Variants in SH2D3A observed in about 807,000 individuals in gnomAD.
SH2D3A encodes SH2 domain containing 3A.
A neutral mutation model predicts 50.6 loss-of-function variants in SH2D3A; 46 were observed. The ratio of observed to expected loss-of-function variants is 0.91; its 90% CI spans 0.72 to 1.16. The LOEUF (loss-of-function observed/expected upper bound fraction) is 1.16. SH2D3A is among the 50% of genes most tolerant of loss of function. The pLI, the probability that SH2D3A is intolerant of heterozygous loss-of-function variation, is 0.00. For synonymous variants in SH2D3A, 377 were observed against 348.4 expected (o/e 1.08, Z -0.91); for missense variants, 783 against 786.2 (o/e 1.00, Z 0.05).
intron 4 of SH2D3A, among the ~76,000 whole-genome samples, chr19:6,756,086 ATATC>A (rs983820300): frequency 6.0e-5 from 9 of 149,668 alleles, no homozygotes; most frequent in African/African-American, 9.8e-5. Flanking sequence ...AAAAAAAAAG[ATATC>A]TATCTATCTA....
In SH2D3A at chr19:6,760,735, C is replaced by A. The variant is rs1462643441; in HGVS notation, c.322G>T (p.Ala108Ser). 2.5e-6 allele frequency: 4 copies of A among 1,613,838 alleles called. No individual in the cohort carries two copies. The highest frequency in any genetic ancestry group is 3.4e-6 in the Non-Finnish European group (4 of 1,179,798). Residue 108 changes from alanine to serine, a missense_variant, in exon 3 of 10, where the codon GCT (alanine) becomes TCT (serine). By Grantham distance (99) the Ala-to-Ser change is moderately conservative (BLOSUM62 1). Coordinates refer to ENST00000245908, the MANE Select transcript of SH2D3A (RefSeq NM_005490.3). The part of the protein sequence containing the change: ...GRRPLSQATG[A>S]VVSRPVTWQG... Reference sequence around the variant, plus strand: ...CAAGTCACAGGCCTGGAGACCACAGCCCCTGTGGCCTGGGACAGTGGGCGC... The same window carrying A: ...CAAGTCACAGGCCTGGAGACCACAGACCCTGTGGCCTGGGACAGTGGGCGC...
rs536734919 is a variant in SH2D3A at position 6,759,923 on chromosome 19, C to G, written c.420-253G>C. The stretch of plus-strand genomic sequence containing the variant: ...CAGGACATCTCCACCTCCTCCCCCA[C>G]AACTAAGAATGTTCGGGCCTCAAAA... On this transcript the variant is annotated intron_variant, in intron 3 of 9. Coordinates refer to ENST00000245908, the MANE Select transcript of SH2D3A (RefSeq NM_005490.3). Among the ~76,000 whole-genome samples the G allele has an allele frequency of 4.6e-5, 7 of 152,266 alleles. No homozygotes were observed. In the South Asian group the frequency reaches 8.3e-4, roughly 18 times the overall value.
intron 2 of SH2D3A, among the ~76,000 whole-genome samples, chr19:6,762,502 CTTTTTTTTTTT>C (rs35272482): frequency 1.0e-5 from 1 of 98,828 alleles, no homozygotes; most frequent in Non-Finnish European, 1.9e-5. Flanking sequence ...TTCTTCCGGC[CTTTTTTTTTTT>C]TTTTTTTTTT....
At position 6,752,509 on chromosome 19, in the gene SH2D3A, AG is replaced by A; in HGVS notation, c.*83del. ...AGGGCAGGATTCCACCTGAGGCGCG[AG>A]GAGCCTGGGACGACTCCTTTGGTCT... is the stretch of plus-strand genomic sequence containing the variant. On this transcript the variant is annotated 3_prime_UTR_variant, in exon 10 of 10. Coordinates refer to ENST00000245908, the MANE Select transcript of SH2D3A (RefSeq NM_005490.3). 1 of 1,294,876 alleles carries A rather than the reference AG, an allele frequency of 7.7e-7. No homozygotes were observed. The highest frequency in any genetic ancestry group is 1.0e-6 in the Non-Finnish European group (1 of 985,198). 80.2% of individuals were successfully genotyped at this position (1,294,876 alleles called of 1,614,324 possible).
rs763074945 is a variant in SH2D3A, at chr19:6,754,710, T to C, written c.1003A>G (p.Thr335Ala). 6.2e-7 allele frequency: 1 copy of C among 1,614,062 alleles called. No homozygotes were observed. The highest frequency in any genetic ancestry group is 1.3e-5 in the African/African-American group (1 of 74,928). The change falls in exon 6 of 10, where the codon ACC (threonine) becomes GCC (alanine). Residue 335 changes from threonine (T) to alanine (A), a missense_variant. By Grantham distance (58) the Thr-to-Ala change is moderately conservative. Coordinates refer to ENST00000245908, the MANE Select transcript of SH2D3A (RefSeq NM_005490.3). ...DCQATGLLGV[T>A]RDQRGNMGVS... ...CCCATGTTGCCCCGCTGATCTCTGG[T>C]CACTCCCAGGAGGCCTGTGGCCTGC...
intron 9 of SH2D3A, 90 bp from the exon 10 acceptor site, chr19:6,752,843 CT>C: frequency 7.0e-7 from 1 of 1,429,872 alleles, no homozygotes. Context: ...CCCCAGAGGA[CT>C]TTGACCCAAC....
chr19:6,762,290 T>G (rs1186422149), intron 2 of SH2D3A, among the ~76,000 whole-genome samples: 1 of 152,066 alleles, frequency 6.6e-6, no homozygotes, highest in Non-Finnish European at 1.5e-5. Context: ...TTCAAGCGAT[T>G]CTGCTGTCTC....
chr19:6,765,014 A>G (rs941610658), intron 1 of SH2D3A, among the ~76,000 whole-genome samples: 2 of 150,152 alleles, frequency 1.3e-5, no homozygotes, highest in African/African-American at 4.9e-5. Flanking sequence ...AGTAGCTGGG[A>G]CTACAGGTGT....
chr19:6,753,946 G>A (rs1969486295), intron 8 of SH2D3A, 106 bp downstream of exon 8: 1 of 1,347,644 alleles, frequency 7.4e-7, no homozygotes, highest in Non-Finnish European at 9.9e-7. Flanking sequence ...TATGGTGAAG[G>A]GACCGGGCCT....
At chr19:6,764,567 A>T (rs10423069) in intron 1 of SH2D3A, 6,140 of 152,262 alleles carry the variant, frequency 0.04, 384 homozygotes, top group African/African-American at 0.14. Context: ...AAACAGATGG[A>T]AATCTCTGTC....
At chr19:6,763,015 G>A (rs1970114375) in intron 2 of SH2D3A, among the ~76,000 whole-genome samples, 1 of 152,082 alleles carries the variant, frequency 6.6e-6, no homozygotes, top group South Asian at 2.1e-4. Flanking sequence ...ATTTTTGGGG[G>A]TGACAACTGA....
chr19:6,754,292 G>A lies in SH2D3A; in HGVS notation c.1231C>T (p.Pro411Ser). 2 of 1,583,468 alleles carry A rather than the reference G, an allele frequency of 1.3e-6. No individual in the cohort carries two copies. Among genetic ancestry groups the A allele is most frequent in the East Asian group, 4.5e-5 (2 of 44,088 alleles). ...ALRPGAAGDL[P>S]GLAAVMGALL... is the part of the protein sequence containing the mutation. ...GCGCCCATGACTGCAGCCAGCCCGG[G>A]CAGGTCCCCCGCCGCCCCTGGCCGC... The change falls in exon 7 of 10, where the codon CCC becomes TCC. Residue 411 changes from proline (P) to serine (S), a missense_variant. Physicochemically the swap from Pro to Ser is moderately conservative, Grantham distance 74. Coordinates refer to ENST00000245908, the MANE Select transcript of SH2D3A (RefSeq NM_005490.3).
At chr19:6,753,973 C>G in intron 8 of SH2D3A, 79 bp downstream of exon 8, 3 of 1,449,426 alleles carry the variant, frequency 2.1e-6, no homozygotes, top group Non-Finnish European at 2.8e-6. Flanking sequence ...GATGCAGGGA[C>G]TGGGCATAGG....
chr19:6,766,267 C>A (rs966967171), intron 1 of SH2D3A, among the ~76,000 whole-genome samples: 4 of 152,308 alleles, frequency 2.6e-5, no homozygotes, highest in South Asian at 2.1e-4. Flanking sequence ...ACCCCAAGTT[C>A]CTGTCTTGTG....
intron 4 of SH2D3A, chr19:6,758,648 C>T (rs1410920751): frequency 6.6e-6 from 1 of 152,180 alleles, no homozygotes; most frequent in Non-Finnish European, 1.5e-5. Flanking sequence ...AACAAAATTG[C>T]CTTATTTTTG....
chr19:6,755,290 G>A lies in SH2D3A; in HGVS notation c.522C>T (p.Ala174=), dbSNP rs1257085358. 3 of 1,516,626 alleles carry A rather than the reference G, an allele frequency of 2.0e-6. No homozygotes were observed. In the African/African-American group the frequency reaches 4.2e-5, roughly 21 times the overall value. The allele number at this position is 1,516,626 out of a possible 1,614,324, so 93.9% of individuals were successfully genotyped here. Residue 174 remains alanine (A), a synonymous_variant, in exon 5 of 10, where the codon GCC becomes GCT. Coordinates refer to ENST00000245908, the MANE Select transcript of SH2D3A (RefSeq NM_005490.3). ...GMEASTMPIS[A]LPRTSSDPVL... ...CCGGGTCACTGCTCGTTCGGGGCAA[G>A]GCAGATATGGGCATGGTGGAGGCTT... is the stretch of plus-strand genomic sequence containing the variant.
At chr19:6,753,110 G>T (rs1969413781) in intron 9 of SH2D3A, 1 of 985,364 alleles carries the variant, frequency 1.0e-6, no homozygotes, top group Non-Finnish European at 1.2e-6. Flanking sequence ...GCTGCCCTAG[G>T]ATAGGACGGA....
chr19:6,755,585 C>T (rs1409540721), intron 4 of SH2D3A, among the ~76,000 whole-genome samples: 2 of 151,202 alleles, frequency 1.3e-5, no homozygotes, highest in Non-Finnish European at 2.9e-5. Flanking sequence ...GATGGGATCT[C>T]ACTGTGTTGC....
intron 4 of SH2D3A, 137 bp from the exon 5 acceptor site, chr19:6,755,452 T>C (rs1969614766): frequency 1.8e-6 from 1 of 556,878 alleles, no homozygotes; most frequent in Non-Finnish European, 3.0e-6. Context: ...CCTATCCGGG[T>C]GCAGTTTTGA....
Sources: gnomAD v4.1 joint callset for allele counts (sites outside exome capture counted in the v4.1 genomes callset) on GRCh38, gnomAD v4.1.1 for gene constraint, MANE v1.5 for transcripts, NCBI Gene and HGNC (gene_info 2026-07-23, HGNC 2026-07-21) for gene names.